Variants in CLEC16A observed in about 807,000 individuals in gnomAD.
CLEC16A encodes C-type lectin domain containing 16A.
In CLEC16A, 51 loss-of-function variants were observed where a neutral mutation model predicts 109.5. The observed-to-expected ratio is 0.47, with a 90% CI of 0.37 to 0.59. The LOEUF is 0.59. Among genes scored for constraint, CLEC16A ranks in the 20% least tolerant of loss-of-function variants. The pLI, the probability that CLEC16A is intolerant of heterozygous loss-of-function variation, is 0.00. For synonymous variants in CLEC16A, 673 were observed against 564.2 expected, an observed-to-expected ratio of 1.19 and a Z score of -2.73; for missense variants, 1,339 against 1,394.0, an observed-to-expected ratio of 0.96 and a Z score of 0.63.
At position 10,988,956 on chromosome 16, in the gene CLEC16A, C is replaced by T. The variant is rs1328334833; in HGVS notation, c.1071+5965C>T. Among the ~76,000 whole-genome samples, 3 of 152,198 alleles carry T rather than the reference C, an allele frequency of 2.0e-5. No homozygotes were observed. In the South Asian group the frequency reaches 6.2e-4, roughly 32 times the overall value. ...CACCTCCTACCTGGGACCTTCTTCCCTGGGCTTACGAGCTGTCTCTGGACT... is the reference window on the plus strand; with the variant it reads ...CACCTCCTACCTGGGACCTTCTTCCTTGGGCTTACGAGCTGTCTCTGGACT... On this transcript the variant is annotated intron_variant, in intron 10 of 23. Transcript: ENST00000409790.
chr16:11,098,397 G>C (rs1054016472), intron 19 of CLEC16A, among the ~76,000 whole-genome samples: 1 of 152,330 alleles, frequency 6.6e-6, no homozygotes, highest in Non-Finnish European at 1.5e-5. Context: ...ACTGCTACCA[G>C]GTATTTGCAT....
At chr16:11,087,265 G>T (rs973276061) in intron 19 of CLEC16A, among the ~76,000 whole-genome samples, 1 of 144,672 alleles carries the variant, frequency 6.9e-6, no homozygotes, top group Non-Finnish European at 1.5e-5. Flanking sequence ...GACTTGTTAA[G>T]GCTCCCCTGG....
intron 12 of CLEC16A, among the ~76,000 whole-genome samples, chr16:11,020,985 C>T (rs1413625131): frequency 6.6e-6 from 1 of 152,216 alleles, no homozygotes; most frequent in Non-Finnish European, 1.5e-5. Context: ...TTCCTTACCT[C>T]GCAGCCCCAC....
intron 10 of CLEC16A, among the ~76,000 whole-genome samples, chr16:10,990,143 T>C (rs1366069018): frequency 2.6e-5 from 4 of 152,230 alleles, no homozygotes; most frequent in Admixed American, 6.5e-5. Context: ...AGGGCCTTAA[T>C]TGACCCATTG....
chr16:11,141,702 G>C (rs1012749203), intron 22 of CLEC16A, among the ~76,000 whole-genome samples: 1 of 152,270 alleles, frequency 6.6e-6, no homozygotes, highest in Admixed American at 6.5e-5. Flanking sequence ...GGGCAGCTGG[G>C]TGAGGGACGG....
At chr16:11,165,087 C>T (rs1210842195) in intron 22 of CLEC16A, among the ~76,000 whole-genome samples, 1 of 152,150 alleles carries the variant, frequency 6.6e-6, no homozygotes, top group Non-Finnish European at 1.5e-5. Context: ...GCACCATCAC[C>T]ATGGGTCCTG....
intron 12 of CLEC16A, among the ~76,000 whole-genome samples, chr16:11,023,506 A>G (rs1189170918): frequency 3.9e-5 from 6 of 152,184 alleles, no homozygotes; most frequent in Admixed American, 3.9e-4. Context: ...GCTGTGGAGA[A>G]ATGGGGATGG....
rs527708976 is a variant in CLEC16A, at chr16:11,005,305, A to G, written c.1303+2000A>G. ...TTGAATTAGAGTAGGGGCTCCTGGA[A>G]GCTGTGCCCAGCTGCCCTGGGCAGG... On this transcript the variant is annotated intron_variant, in intron 11 of 23. Coordinates refer to ENST00000409790, the MANE Select transcript of CLEC16A (RefSeq NM_015226.3). Among the ~76,000 whole-genome samples, 103 of 152,300 alleles carry G rather than the reference A, an allele frequency of 6.8e-4. No individual in the cohort carries two copies. The Middle Eastern group carries it at 0.01, about 15-fold the overall frequency.
intron 11 of CLEC16A, among the ~76,000 whole-genome samples, chr16:11,013,376 C>G (rs980734600): frequency 6.6e-6 from 1 of 152,178 alleles, no homozygotes; most frequent in Admixed American, 6.5e-5. Context: ...CACCTGTAAT[C>G]CCACCACTTT....
At chr16:10,970,743 C>CT (rs1475123310) in intron 4 of CLEC16A, among the ~76,000 whole-genome samples, 1 of 152,184 alleles carries the variant, frequency 6.6e-6, no homozygotes, top group Non-Finnish European at 1.5e-5. Context: ...TACTACTGCT[C>CT]TTTTTTCTTT....
At chr16:11,156,997 C>T in intron 22 of CLEC16A, 3 of 1,186,366 alleles carry the variant, frequency 2.5e-6, no homozygotes, top group Non-Finnish European at 3.3e-6. Flanking sequence ...CTTCACCCGA[C>T]AGCAAAAACA....
intron 23 of CLEC16A, among the ~76,000 whole-genome samples, chr16:11,167,927 G>C (rs2068340672): frequency 6.6e-6 from 1 of 152,180 alleles, no homozygotes; most frequent in African/African-American, 2.4e-5. Context: ...TTTCATGCTT[G>C]CTCAGGGGCG....
At chr16:11,122,298 A>T (rs998882578) in intron 20 of CLEC16A, among the ~76,000 whole-genome samples, 2 of 152,206 alleles carry the variant, frequency 1.3e-5, no homozygotes, top group Non-Finnish European at 2.9e-5. Context: ...CTATAGAAGA[A>T]TCTTTCATTT....
At chr16:11,048,831 T>G (rs997764502) in intron 17 of CLEC16A, among the ~76,000 whole-genome samples, 3 of 151,878 alleles carry the variant, frequency 2.0e-5, no homozygotes, top group Non-Finnish European at 4.4e-5. Context: ...TTATTTCCTC[T>G]TACCCCCGAG....
chr16:11,141,855 A>G (rs2053846870), intron 22 of CLEC16A, among the ~76,000 whole-genome samples: 1 of 152,176 alleles, frequency 6.6e-6, no homozygotes. Flanking sequence ...AGCATTTCCC[A>G]TTTGTGATCT....
intron 19 of CLEC16A, among the ~76,000 whole-genome samples, chr16:11,107,985 GC>G: frequency 6.6e-6 from 1 of 152,324 alleles, no homozygotes; most frequent in South Asian, 2.1e-4. Flanking sequence ...GGTGGCCAAG[GC>G]CCCTCCTGCA....
chr16:11,065,276 A>G (rs1296432774), intron 19 of CLEC16A, among the ~76,000 whole-genome samples: 2 of 152,156 alleles, frequency 1.3e-5, no homozygotes, highest in Non-Finnish European at 2.9e-5. Context: ...TCCATTATCC[A>G]TACACCCCAA....
chr16:11,092,589 A>G (rs954007826), intron 19 of CLEC16A, among the ~76,000 whole-genome samples: 9 of 152,352 alleles, frequency 5.9e-5, no homozygotes, highest in Admixed American at 5.2e-4. Flanking sequence ...CCTGGCTTGC[A>G]GGCATTTCCA....
At chr16:11,155,205 A>C (rs1256975428) in intron 22 of CLEC16A, among the ~76,000 whole-genome samples, 2 of 152,196 alleles carry the variant, frequency 1.3e-5, no homozygotes, top group Non-Finnish European at 2.9e-5. Flanking sequence ...CGAGGAATCA[A>C]AACAGCGAGT....
Sources: allele counts gnomAD v4.1 joint callset (sites outside exome capture counted in the v4.1 genomes callset), GRCh38; gene constraint gnomAD v4.1.1; transcripts MANE v1.5; gene names NCBI Gene and HGNC (gene_info 2026-07-23, HGNC 2026-07-21).